Variants in BCKDHB observed in about 807,000 individuals in gnomAD.
BCKDHB encodes the protein 2-oxoisovalerate dehydrogenase subunit beta, mitochondrial.
Under a neutral mutation model 48.5 loss-of-function variants are expected in BCKDHB, and 41 were observed. The observed-to-expected ratio is 0.85, with a 90% CI of 0.66 to 1.10. BCKDHB has a LOEUF of 1.10. Among genes scored for constraint, BCKDHB ranks in the 50% least tolerant of loss-of-function variants. BCKDHB has a pLI of 0.00. For synonymous variants in BCKDHB, 201 were observed against 174.8 expected, an observed-to-expected ratio of 1.15 and a Z score of -1.18; for missense variants, 496 against 494.2, an observed-to-expected ratio of 1.00 and a Z score of -0.03.
At chr6:80,179,366 T>G (rs1230319497) in intron 6 of BCKDHB, among the ~76,000 whole-genome samples, 33 of 152,192 alleles carry the variant, frequency 2.2e-4, no homozygotes, top group Admixed American at 2.1e-3. Flanking sequence ...TGAAAATATT[T>G]GAAAAAATAA....
chr6:80,456,425 C>T, the BCKDHB span, among the ~76,000 whole-genome samples: 1 of 152,150 alleles, frequency 6.6e-6, no homozygotes, highest in Non-Finnish European at 1.5e-5. Flanking sequence ...ATCATTCACA[C>T]TTCCTTTCCT....
At chr6:80,113,630 T>C (rs560074941) in intron 1 of BCKDHB, among the ~76,000 whole-genome samples, 2 of 152,236 alleles carry the variant, frequency 1.3e-5, no homozygotes, top group Non-Finnish European at 2.9e-5. Context: ...ACCTCCTGGC[T>C]GGCTTTCCAA....
At chr6:80,166,728 A>G (rs955406429) in intron 3 of BCKDHB, among the ~76,000 whole-genome samples, 2 of 152,032 alleles carry the variant, frequency 1.3e-5, no homozygotes, top group Non-Finnish European at 2.9e-5. Flanking sequence ...TAATTACACT[A>G]TGGTCAGAGA....
At chr6:80,182,845 A>G (rs902021157) in intron 6 of BCKDHB, among the ~76,000 whole-genome samples, 2 of 152,180 alleles carry the variant, frequency 1.3e-5, no homozygotes, top group African/African-American at 4.8e-5. Flanking sequence ...GCATGTTACA[A>G]ATATTGTATA....
intron 9 of BCKDHB, among the ~76,000 whole-genome samples, chr6:80,317,344 G>A (rs141409995): frequency 2.6e-5 from 4 of 152,330 alleles, no homozygotes; most frequent in African/African-American, 9.6e-5. Context: ...AAATCAAGGT[G>A]TCAACAGAGC....
At chr6:80,133,675 C>T (rs1770742519) in intron 3 of BCKDHB, among the ~76,000 whole-genome samples, 1 of 151,808 alleles carries the variant, frequency 6.6e-6, no homozygotes, top group Non-Finnish European at 1.5e-5. Context: ...CAGAGTCTTG[C>T]TCTGTCACCC....
chr6:80,109,971 T>G (rs1036564042), intron 1 of BCKDHB, among the ~76,000 whole-genome samples: 2 of 152,198 alleles, frequency 1.3e-5, no homozygotes, highest in Non-Finnish European at 1.5e-5. Context: ...ATACTAAGAT[T>G]TTGTCTGTTA....
intron 9 of BCKDHB, among the ~76,000 whole-genome samples, chr6:80,330,693 T>C (rs1769280039): frequency 6.9e-6 from 1 of 144,728 alleles, no homozygotes; most frequent in South Asian, 2.2e-4. Context: ...GAATTAGATA[T>C]CTAGAAACAA....
chr6:80,261,135 C>T (rs767700205), intron 8 of BCKDHB, among the ~76,000 whole-genome samples: 30 of 152,170 alleles, frequency 2.0e-4, no homozygotes, highest in Non-Finnish European at 3.8e-4. Context: ...TAAATGAAAG[C>T]TCTTTGCAGT....
chr6:80,192,706 C>T (rs1375238180), intron 6 of BCKDHB, among the ~76,000 whole-genome samples: 1 of 151,732 alleles, frequency 6.6e-6, no homozygotes, highest in African/African-American at 2.4e-5. Context: ...ATCAAAGCTT[C>T]TTTTTTTGTT....
intron 8 of BCKDHB, among the ~76,000 whole-genome samples, chr6:80,250,386 G>A (rs530741825): frequency 2.5e-4 from 38 of 152,154 alleles, no homozygotes; most frequent in Non-Finnish European, 4.7e-4. Context: ...GAAGGAAGAA[G>A]AAAAAGATGA....
At chr6:80,144,012 AAC>A (rs2127745304) in intron 3 of BCKDHB, among the ~76,000 whole-genome samples, 1 of 152,274 alleles carries the variant, frequency 6.6e-6, no homozygotes, top group East Asian at 1.9e-4. Context: ...GCCAAAAGGA[AAC>A]ACACAAACCT....
intron 8 of BCKDHB, among the ~76,000 whole-genome samples, chr6:80,252,827 T>G (rs1464190223): frequency 6.6e-6 from 1 of 152,220 alleles, no homozygotes; most frequent in Non-Finnish European, 1.5e-5. Flanking sequence ...TGTTACAACC[T>G]ACTCTCACAC....
In BCKDHB at chr6:80,286,878, A is replaced by G. The variant is rs770930102; in HGVS notation, c.1038+13657A>G. On this transcript the variant is annotated intron_variant, in intron 9 of 9. Coordinates refer to ENST00000320393, the MANE Select transcript of BCKDHB (RefSeq NM_183050.4). The stretch of plus-strand genomic sequence containing the variant: ...TTTTTATGACATATACAAGGCAAGC[A>G]TTTAAGGGTGATTTTATTACATTTG... 3.8e-4 allele frequency among the ~76,000 whole-genome samples: 58 copies of G among 152,174 alleles called. 1 individual carries two copies. Among genetic ancestry groups the G allele is most frequent in the Non-Finnish European group, 7.5e-4 (51 of 68,032 alleles).
chr6:80,219,069 A>G (rs1775297654), intron 8 of BCKDHB, among the ~76,000 whole-genome samples: 1 of 151,764 alleles, frequency 6.6e-6, no homozygotes, highest in Non-Finnish European at 1.5e-5. Context: ...AATGTTTCAT[A>G]TTTGGGCTGT....
chr6:80,242,365 C>T (rs144060954), intron 8 of BCKDHB, among the ~76,000 whole-genome samples: 1 of 152,210 alleles, frequency 6.6e-6, no homozygotes, highest in East Asian at 1.9e-4. Context: ...TTTTTAGAGC[C>T]TTACAATACC....
the BCKDHB span, among the ~76,000 whole-genome samples, chr6:80,408,268 G>A: frequency 6.6e-6 from 1 of 152,120 alleles, no homozygotes; most frequent in Non-Finnish European, 1.5e-5. Context: ...GTATTTTCTT[G>A]AGGATTTTTG....
At chr6:80,400,285 A>G in the BCKDHB span, among the ~76,000 whole-genome samples, 6 of 151,900 alleles carry the variant, frequency 3.9e-5, no homozygotes, top group Non-Finnish European at 5.9e-5. Flanking sequence ...TAAACAGACA[A>G]CCTATAGAAT....
the BCKDHB span, among the ~76,000 whole-genome samples, chr6:80,381,709 G>A: frequency 6.6e-6 from 1 of 151,986 alleles, no homozygotes; most frequent in Non-Finnish European, 1.5e-5. Context: ...TTACTTTTCT[G>A]TGAAGGACAT....
Sources: allele counts gnomAD v4.1 joint callset (sites outside exome capture counted in the v4.1 genomes callset), GRCh38; gene constraint gnomAD v4.1.1; transcripts MANE v1.5; gene names NCBI Gene and HGNC (gene_info 2026-07-23, HGNC 2026-07-21).